Variants in ACYP2 observed in about 807,000 individuals in gnomAD.
The protein encoded by ACYP2 is acylphosphatase 2, also known as acylphosphatase-2.
In ACYP2, 12 loss-of-function variants were observed where a neutral mutation model predicts 11.2. That is an observed-to-expected ratio of 1.08 (90% confidence interval 0.69 to 1.74). ACYP2 has a LOEUF of 1.74. Ranked by LOEUF, ACYP2 falls within the 40% of genes most tolerant of loss-of-function variation. The pLI is 0.00. For missense variants in ACYP2, 134 were observed against 101.9 expected (o/e 1.31, Z -1.35); for synonymous variants, 43 against 32.2 (o/e 1.33, Z -1.13).
intron 6 of ACYP2, among the ~76,000 whole-genome samples, chr2:54,206,836 A>T (rs553605699): frequency 6.6e-6 from 1 of 152,346 alleles, no homozygotes; most frequent in South Asian, 2.1e-4. Flanking sequence ...GGTTCCATCC[A>T]TATTGTTCGG....
intron 6 of ACYP2, among the ~76,000 whole-genome samples, chr2:54,266,402 G>C (rs1392761287): frequency 6.6e-6 from 1 of 151,880 alleles, no homozygotes; most frequent in Non-Finnish European, 1.5e-5. Flanking sequence ...ATTAAAATAT[G>C]GACTGGATAG....
intron 6 of ACYP2, among the ~76,000 whole-genome samples, chr2:54,243,055 A>C (rs1438710091): frequency 6.6e-6 from 1 of 152,218 alleles, no homozygotes; most frequent in African/African-American, 2.4e-5. Context: ...AGTGCTCTCT[A>C]TATCAGGGAG....
At chr2:54,303,350 G>T (rs1391106140) in intron 6 of ACYP2, among the ~76,000 whole-genome samples, 1 of 151,942 alleles carries the variant, frequency 6.6e-6, no homozygotes, top group East Asian at 1.9e-4. Flanking sequence ...GACCCTGTCT[G>T]CACCCTCCCC....
rs570678257 is a variant in ACYP2, at chr2:54,070,466, G to A, written c.277+13106G>A. Among the ~76,000 whole-genome samples the A allele has an allele frequency of 4.6e-5, 7 of 152,222 alleles. No individual in the cohort carries two copies. The South Asian group carries it at 1.5e-3, about 32-fold the overall frequency. On this transcript the variant is annotated intron_variant, in intron 4 of 6. Coordinates refer to ENST00000607452, the MANE Select transcript of ACYP2 (RefSeq NM_001320586.2). Reference sequence around the variant, plus strand: ...AGGATGAATTTTACACCTAACCAGAGCACACTATCTGCCGTTCCTCTGCAT... The same window carrying A: ...AGGATGAATTTTACACCTAACCAGAACACACTATCTGCCGTTCCTCTGCAT...
chr2:54,132,243 G>T (rs1464270286), intron 4 of ACYP2, among the ~76,000 whole-genome samples: 1 of 152,068 alleles, frequency 6.6e-6, no homozygotes, highest in Non-Finnish European at 1.5e-5. Flanking sequence ...TACCTGGTCT[G>T]GTTGACCTGA....
At chr2:54,276,624 C>CACACACACACACAA (rs1453474561) in intron 6 of ACYP2, among the ~76,000 whole-genome samples, 15 of 68,114 alleles carry the variant, frequency 2.2e-4, no homozygotes, top group African/African-American at 1.3e-3. Context: ...TTCTTTCACA[C>CACACACACACACAA]ACACACACAC....
At chr2:54,027,846 T>C (rs1369522876) in intron 2 of ACYP2, among the ~76,000 whole-genome samples, 231 of 145,174 alleles carry the variant, frequency 1.6e-3, no homozygotes, top group African/African-American at 5.6e-3. Flanking sequence ...TCTTTTTTTT[T>C]TTTTTTTTTT....
At chr2:54,158,873 A>G (rs1682568324) in intron 6 of ACYP2, among the ~76,000 whole-genome samples, 1 of 152,160 alleles carries the variant, frequency 6.6e-6, no homozygotes, top group Non-Finnish European at 1.5e-5. Flanking sequence ...ATCACCCATA[A>G]ACCTACCGTT....
chr2:54,041,476 A>G (rs1399481254), intron 2 of ACYP2, among the ~76,000 whole-genome samples: 6 of 152,188 alleles, frequency 3.9e-5, no homozygotes, highest in African/African-American at 1.4e-4. Context: ...GAGTGGGAGA[A>G]TAAAAGGGCC....
intron 6 of ACYP2, among the ~76,000 whole-genome samples, chr2:54,145,945 C>T (rs983105084): frequency 2.0e-5 from 3 of 152,212 alleles, no homozygotes; most frequent in African/African-American, 2.4e-5. Context: ...TTGCTCTTCG[C>T]TGCTTTCCTG....
rs888931050 is a variant in ACYP2 at position 54,235,441 on chromosome 2, C to G, written c.405-69247C>G. 2.6e-5 allele frequency among the ~76,000 whole-genome samples: 4 copies of G among 152,106 alleles called. No homozygotes were observed. The East Asian group carries it at 5.8e-4, about 22-fold the overall frequency. On this transcript the variant is annotated intron_variant, in intron 6 of 6. Coordinates refer to ENST00000607452, the MANE Select transcript of ACYP2 (RefSeq NM_001320586.2). Reference sequence around the variant, plus strand: ...TCGGCTCACTGCAAGCTCCGCCTCCCGGGTTCACACCATTCTCCTGCCTCA... The same window carrying G: ...TCGGCTCACTGCAAGCTCCGCCTCCGGGGTTCACACCATTCTCCTGCCTCA...
chr2:54,019,455 C>T (rs973488376), intron 2 of ACYP2, among the ~76,000 whole-genome samples: 4 of 151,862 alleles, frequency 2.6e-5, no homozygotes, highest in African/African-American at 9.7e-5. Flanking sequence ...TGGTTCATTG[C>T]AACCTCGACC....
chr2:54,266,485 C>T (rs1432365924), intron 6 of ACYP2, among the ~76,000 whole-genome samples: 3 of 149,858 alleles, frequency 2.0e-5, no homozygotes, highest in Non-Finnish European at 3.0e-5. Flanking sequence ...CAGGTACTAT[C>T]ATTGGCCCTG....
intron 6 of ACYP2, among the ~76,000 whole-genome samples, chr2:54,301,840 G>T (rs1573077128): frequency 6.6e-6 from 1 of 152,232 alleles, no homozygotes; most frequent in South Asian, 2.1e-4. Flanking sequence ...TTGAGAGTCA[G>T]GTCTCAGGGC....
chr2:54,168,489 A>G (rs74525996), intron 6 of ACYP2, among the ~76,000 whole-genome samples: 3,561 of 152,200 alleles, frequency 0.023, 124 homozygotes, highest in African/African-American at 0.076. Context: ...GCTACATCCA[A>G]ATGTCCAATA....
intron 2 of ACYP2, among the ~76,000 whole-genome samples, chr2:53,994,162 C>G (rs146048042): frequency 2.6e-5 from 4 of 151,888 alleles, no homozygotes; most frequent in Admixed American, 1.3e-4. Flanking sequence ...AAACCCTTCT[C>G]TACTAAAAAT....
At chr2:54,245,066 T>A (rs574006826) in intron 6 of ACYP2, among the ~76,000 whole-genome samples, 1 of 152,314 alleles carries the variant, frequency 6.6e-6, no homozygotes, top group Admixed American at 6.5e-5. Flanking sequence ...GTAACTTCTT[T>A]TCTACTTTTT....
At chr2:54,240,034 G>A (rs1236493970) in intron 6 of ACYP2, among the ~76,000 whole-genome samples, 1 of 152,138 alleles carries the variant, frequency 6.6e-6, no homozygotes, top group Non-Finnish European at 1.5e-5. Context: ...CATGGTCCAG[G>A]GGATTAGAGT....
At chr2:54,224,876 G>A (rs943538105) in intron 6 of ACYP2, among the ~76,000 whole-genome samples, 2 of 152,186 alleles carry the variant, frequency 1.3e-5, no homozygotes, top group Non-Finnish European at 1.5e-5. Context: ...ACTTTGTAAC[G>A]TACAGTACCT....
Sources: allele counts gnomAD v4.1 joint callset (sites outside exome capture counted in the v4.1 genomes callset), GRCh38; gene constraint gnomAD v4.1.1; transcripts MANE v1.5; gene names NCBI Gene and HGNC (gene_info 2026-07-23, HGNC 2026-07-21).